Variants in EGFLAM observed in about 807,000 individuals in gnomAD.
EGFLAM encodes pikachurin.
Under a neutral mutation model 113.1 loss-of-function variants are expected in EGFLAM, and 79 were observed. The observed-to-expected ratio is 0.70, with a 90% CI of 0.58 to 0.84. The LOEUF is 0.84. Ranked by LOEUF, EGFLAM falls within the 40% of genes least tolerant of loss-of-function variation. The pLI is 0.00. For synonymous variants in EGFLAM, 504 were observed against 487.6 expected (o/e 1.03, Z -0.44); for missense variants, 1,265 against 1,291.6 (o/e 0.98, Z 0.32).
intron 1 of EGFLAM, among the ~76,000 whole-genome samples, chr5:38,295,786 A>T (rs1348680410): frequency 6.6e-6 from 1 of 152,244 alleles, no homozygotes; most frequent in African/African-American, 2.4e-5. Context: ...AATGTATTTC[A>T]TGTTTAAGCA....
chr5:38,353,036 A>T, intron 5 of EGFLAM, among the ~76,000 whole-genome samples: 1 of 152,220 alleles, frequency 6.6e-6, no homozygotes, highest in Non-Finnish European at 1.5e-5. Flanking sequence ...ATCTTTTAAC[A>T]ACAAGGACAA....
intron 1 of EGFLAM, among the ~76,000 whole-genome samples, chr5:38,284,984 A>C (rs1758119605): frequency 6.6e-6 from 1 of 152,208 alleles, no homozygotes; most frequent in South Asian, 2.1e-4. Context: ...TAAAGAAAAA[A>C]CAAGACTCAA....
At chr5:38,438,623 A>C (rs373001856) in intron 17 of EGFLAM, among the ~76,000 whole-genome samples, 168 bp downstream of exon 17, 1 of 152,258 alleles carries the variant, frequency 6.6e-6, no homozygotes. Flanking sequence ...ATAAACTACC[A>C]TAATTCCTTA....
intron 1 of EGFLAM, among the ~76,000 whole-genome samples, chr5:38,274,950 G>A (rs1463704855): frequency 6.6e-6 from 1 of 151,904 alleles, no homozygotes; most frequent in Non-Finnish European, 1.5e-5. Flanking sequence ...CATTCAAAAT[G>A]TGGAGGGGTA....
intron 17 of EGFLAM, chr5:38,445,802 G>A: frequency 1.6e-6 from 2 of 1,280,126 alleles, no homozygotes; most frequent in Non-Finnish European, 2.2e-6. Context: ...TGGGAGCTGG[G>A]ACATGCCTAC....
At chr5:38,441,434 G>T (rs746613648) in intron 17 of EGFLAM, among the ~76,000 whole-genome samples, 33 of 152,006 alleles carry the variant, frequency 2.2e-4, no homozygotes, top group Non-Finnish European at 4.4e-4. Flanking sequence ...CATACTTAGA[G>T]ATTTCTTTCC....
intron 1 of EGFLAM, among the ~76,000 whole-genome samples, chr5:38,266,654 T>G (rs1757641986): frequency 6.6e-6 from 1 of 152,196 alleles, no homozygotes; most frequent in Non-Finnish European, 1.5e-5. Context: ...ACAAATGAAT[T>G]AACAAATTAG....
At chr5:38,352,473 C>T in intron 5 of EGFLAM, 142 bp downstream of exon 5, 1 of 1,082,706 alleles carries the variant, frequency 9.2e-7, no homozygotes, top group Non-Finnish European at 1.3e-6. Flanking sequence ...ATGGTGAAAC[C>T]CCGTCTCTAC....
chr5:38,349,171 C>T (rs1384563563), intron 3 of EGFLAM, among the ~76,000 whole-genome samples: 1 of 152,128 alleles, frequency 6.6e-6, no homozygotes, highest in Non-Finnish European at 1.5e-5. Context: ...AAGACATGGT[C>T]CCTGCTTTCA....
chr5:38,406,166 T>C lies in EGFLAM; in HGVS notation c.753T>C (p.Tyr251=), dbSNP rs1335707331. Residue 251 remains tyrosine, a synonymous_variant, in exon 7 of 22, where the codon TAT becomes TAC. Coordinates refer to ENST00000322350, the MANE Select transcript of EGFLAM (RefSeq NM_152403.4). The part of the protein sequence containing the change: ...EAGSGRYGPR[Y]ITDMGAGEDD... Reference sequence around the variant, plus strand: ...GAAGTGGCCGCTATGGACCCCGTTATATCACCGACATGGGAGCTGGTGAGG... The same window carrying C: ...GAAGTGGCCGCTATGGACCCCGTTACATCACCGACATGGGAGCTGGTGAGG... 1.9e-6 allele frequency: 3 copies of C among 1,614,156 alleles called. No individual in the cohort carries two copies. The South Asian group carries it at 3.3e-5, about 18-fold the overall frequency.
At chr5:38,297,345 G>C (rs1758472381) in intron 1 of EGFLAM, among the ~76,000 whole-genome samples, 1 of 152,120 alleles carries the variant, frequency 6.6e-6, no homozygotes, top group Admixed American at 6.6e-5. Context: ...AATTGAGAGA[G>C]GTCAGGGATC....
intron 12 of EGFLAM, among the ~76,000 whole-genome samples, chr5:38,423,236 C>A (rs1393209515): frequency 1.3e-5 from 2 of 152,156 alleles, no homozygotes; most frequent in African/African-American, 4.8e-5. Context: ...TCTCTCATTT[C>A]TTACTTCCTT....
At chr5:38,444,310 T>C (rs1185301366) in intron 17 of EGFLAM, among the ~76,000 whole-genome samples, 1 of 152,054 alleles carries the variant, frequency 6.6e-6, no homozygotes, top group African/African-American at 2.4e-5. Context: ...ATACTGGAAA[T>C]GGTAGAGAGA....
intron 6 of EGFLAM, among the ~76,000 whole-genome samples, chr5:38,390,027 G>T (rs56080752): frequency 0.035 from 5,293 of 152,142 alleles, 116 homozygotes; most frequent in Middle Eastern, 0.051. Context: ...TCATGACCCA[G>T]GTTTATAAAA....
intron 10 of EGFLAM, among the ~76,000 whole-genome samples, chr5:38,410,346 G>A (rs568609992): frequency 6.6e-6 from 1 of 152,120 alleles, no homozygotes; most frequent in Admixed American, 6.5e-5. Context: ...TTGGAGGATC[G>A]GATAGACTCT....
intron 1 of EGFLAM, among the ~76,000 whole-genome samples, chr5:38,280,582 C>T (rs1291434953): frequency 6.6e-6 from 1 of 152,192 alleles, no homozygotes; most frequent in South Asian, 2.1e-4. Flanking sequence ...CCTGGCCCAC[C>T]ATGGCTTCCA....
intron 1 of EGFLAM, among the ~76,000 whole-genome samples, chr5:38,269,781 G>A (rs930338962): frequency 3.3e-5 from 5 of 152,124 alleles, no homozygotes; most frequent in African/African-American, 4.8e-5. Flanking sequence ...GAGCCACTGC[G>A]CCTGGCCTGA....
chr5:38,395,004 G>A (rs933350771), intron 6 of EGFLAM, among the ~76,000 whole-genome samples: 1 of 151,672 alleles, frequency 6.6e-6, no homozygotes, highest in South Asian at 2.1e-4. Flanking sequence ...GCAGTGGCAC[G>A]ATCTCGGCTC....
intron 3 of EGFLAM, among the ~76,000 whole-genome samples, chr5:38,349,167 T>C (rs746492296): frequency 3.9e-5 from 6 of 152,226 alleles, no homozygotes; most frequent in Non-Finnish European, 7.3e-5. Flanking sequence ...GTATAAGACA[T>C]GGTCCCTGCT....
Sources: gnomAD v4.1 joint callset for allele counts (sites outside exome capture counted in the v4.1 genomes callset) on GRCh38, gnomAD v4.1.1 for gene constraint, MANE v1.5 for transcripts, NCBI Gene and HGNC (gene_info 2026-07-23, HGNC 2026-07-21) for gene names.